THSD4: variants seen among roughly 807,000 people sequenced by gnomAD.
THSD4 encodes thrombospondin type 1 domain containing 4.
A neutral mutation model predicts 119.0 loss-of-function variants in THSD4; 69 were observed. The ratio of observed to expected loss-of-function variants is 0.58; its 90% confidence interval spans 0.48 to 0.71. The LOEUF is 0.71. Ranked by LOEUF, THSD4 falls within the 30% of genes least tolerant of loss-of-function variation. The probability of loss-of-function intolerance (pLI) is 0.00; values close to 1 mark genes in which losing one functional copy is unlikely to be tolerated. For synonymous variants in THSD4, 524 were observed against 540.4 expected (o/e 0.97, Z 0.42); for missense variants, 1,393 against 1,391.1 (o/e 1.00, Z -0.02).
intron 2 of THSD4, among the ~76,000 whole-genome samples, chr15:71,146,398 C>T (rs1031138124): frequency 1.3e-5 from 2 of 151,444 alleles, no homozygotes; most frequent in African/African-American, 2.4e-5. Context: ...TTATTTTTGC[C>T]CCTAATCATT....
Position 71,404,942 on chromosome 15 carries a change from G to A in THSD4, c.1016-6745G>A, listed in dbSNP as rs912130543. On this transcript the variant is annotated intron_variant, in intron 6 of 17. Coordinates refer to ENST00000261862, the MANE Select transcript of THSD4 (RefSeq NM_024817.3). ...CTCTCTCTGTCACCCAGGCTGGAGTGCAGTGGCATGATCTCAGCTCACTAC... is the reference window on the plus strand; with the variant it reads ...CTCTCTCTGTCACCCAGGCTGGAGTACAGTGGCATGATCTCAGCTCACTAC... Among the ~76,000 whole-genome samples the A allele has an allele frequency of 2.7e-5, 4 of 150,834 alleles. No homozygotes were observed. The Admixed American group carries it at 2.7e-4, about 10-fold the overall frequency.
chr15:71,241,450 C>G (rs2044151996), intron 4 of THSD4, among the ~76,000 whole-genome samples: 1 of 152,110 alleles, frequency 6.6e-6, no homozygotes, highest in African/African-American at 2.4e-5. Flanking sequence ...AGGCCCTTAC[C>G]CCGCCCTGCA....
intron 6 of THSD4, among the ~76,000 whole-genome samples, chr15:71,348,813 A>G (rs550401011): frequency 6.6e-6 from 1 of 152,350 alleles, no homozygotes; most frequent in Non-Finnish European, 1.5e-5. Context: ...TCCAACAAGG[A>G]GTTACATAAA....
intron 7 of THSD4, among the ~76,000 whole-genome samples, chr15:71,528,477 AC>A (rs1242671824): frequency 6.6e-6 from 1 of 152,216 alleles, no homozygotes; most frequent in Non-Finnish European, 1.5e-5. Flanking sequence ...ACTCATTACT[AC>A]TGCAACCTTT....
chr15:71,547,693 G>A lies in THSD4; in HGVS notation c.1153-112837G>A, dbSNP rs2048858751. On this transcript the variant is annotated intron_variant, in intron 7 of 17. Transcript: ENST00000261862. ...ATACTTTCTAAAATGTCATTTTGAA[G>A]CTGTCTGTGCAGTTGCCACACTGGG... is the stretch of plus-strand genomic sequence containing the variant. 9.0e-6 allele frequency: 5 copies of A among 556,604 alleles called. No homozygotes were observed. In the East Asian group the frequency reaches 1.6e-4, roughly 17 times the overall value. The allele number at this position is 556,604 out of a possible 1,614,324, so 34.5% of individuals were successfully genotyped here.
At chr15:71,103,781 A>G (rs1391151989) in intron 1 of THSD4, among the ~76,000 whole-genome samples, 1 of 151,744 alleles carries the variant, frequency 6.6e-6, no homozygotes, top group Non-Finnish European at 1.5e-5. Flanking sequence ...GAAGGAAAAA[A>G]AAAAACACCA....
chr15:71,464,660 A>T (rs775282208), intron 7 of THSD4, among the ~76,000 whole-genome samples: 1 of 152,176 alleles, frequency 6.6e-6, no homozygotes, highest in African/African-American at 2.4e-5. Context: ...CTCACTCATC[A>T]TCTCACCTAG....
chr15:71,309,701 G>A (rs953186371), intron 6 of THSD4, among the ~76,000 whole-genome samples: 3 of 152,126 alleles, frequency 2.0e-5, no homozygotes, highest in Non-Finnish European at 2.9e-5. Flanking sequence ...TTTTGCATGT[G>A]GATATCCAGT....
intron 3 of THSD4, among the ~76,000 whole-genome samples, chr15:71,167,733 A>G (rs2043307652): frequency 6.6e-6 from 1 of 152,218 alleles, no homozygotes; most frequent in Admixed American, 6.5e-5. Flanking sequence ...TTCTTAAGGG[A>G]CAACATTATT....
At chr15:71,218,287 C>T (rs1440434680) in intron 4 of THSD4, among the ~76,000 whole-genome samples, 2 of 152,160 alleles carry the variant, frequency 1.3e-5, no homozygotes, top group African/African-American at 2.4e-5. Context: ...GCTGCTCACC[C>T]CCAGATCCCT....
chr15:71,377,905 CACACACA>C (rs753881677), intron 6 of THSD4, among the ~76,000 whole-genome samples: 3,536 of 90,150 alleles, frequency 0.039, 116 homozygotes, highest in African/African-American at 0.1. Flanking sequence ...CACACACACA[CACACACA>C]CAATTTCCTT....
chr15:71,513,175 T>C (rs2048307921), intron 7 of THSD4, among the ~76,000 whole-genome samples: 1 of 152,194 alleles, frequency 6.6e-6, no homozygotes, highest in Non-Finnish European at 1.5e-5. Flanking sequence ...GCCGAGAGCT[T>C]CCTGTCATCT....
At chr15:71,390,045 C>G (rs548617548) in intron 6 of THSD4, among the ~76,000 whole-genome samples, 1 of 151,934 alleles carries the variant, frequency 6.6e-6, no homozygotes, top group Admixed American at 6.6e-5. Context: ...CTTTGTGATC[C>G]GCCCACCTCA....
intron 4 of THSD4, among the ~76,000 whole-genome samples, chr15:71,241,491 TG>T (rs910466346): frequency 6.6e-6 from 1 of 152,208 alleles, no homozygotes; most frequent in Non-Finnish European, 1.5e-5. Context: ...GTTGTAAGGT[TG>T]GGGTCTTGAA....
chr15:71,393,072 A>G (rs1055197710), intron 6 of THSD4, among the ~76,000 whole-genome samples: 2 of 152,170 alleles, frequency 1.3e-5, no homozygotes, highest in Non-Finnish European at 2.9e-5. Flanking sequence ...CTTGCATTTG[A>G]TTGTGATTGG....
At position 71,256,673 on chromosome 15, in the gene THSD4, C is replaced by T. The variant is rs753275547; in HGVS notation, c.973C>T (p.Pro325Ser). 3.4e-5 allele frequency: 55 copies of T among 1,613,774 alleles called. No homozygotes were observed. The highest frequency in any genetic ancestry group is 4.2e-5 in the Non-Finnish European group (49 of 1,179,954). Residue 325 changes from proline (P) to serine (S), a missense_variant, in exon 6 of 18, where the codon CCA (proline) becomes TCA (serine). Coordinates refer to ENST00000261862, the MANE Select transcript of THSD4 (RefSeq NM_024817.3). ...EVQCASYNNK[P>S]FMGRFYEWEP... ...ACAGTGTGCATCCTACAACAACAAG[C>T]CATTCATGGGCCGGTTTTATGAGTG... is the stretch of plus-strand genomic sequence containing the variant.
chr15:71,300,615 C>T (rs554603838), intron 6 of THSD4, among the ~76,000 whole-genome samples: 158 of 152,130 alleles, frequency 1.0e-3, no homozygotes, highest in Non-Finnish European at 1.9e-3. Flanking sequence ...TTATCAATCC[C>T]CCTCAAAATT....
chr15:71,388,296 T>A (rs1172739227), intron 6 of THSD4, among the ~76,000 whole-genome samples: 1 of 152,186 alleles, frequency 6.6e-6, no homozygotes, highest in Non-Finnish European at 1.5e-5. Flanking sequence ...CTATATGGAG[T>A]ACCCACTAGG....
At chr15:71,732,851 C>T (rs1176439023) in intron 10 of THSD4, 36 of 152,180 alleles carry the variant, frequency 2.4e-4, no homozygotes, top group Admixed American at 2.4e-3. Flanking sequence ...GCCAAACCCG[C>T]CCCATCCATT....
Sources: gnomAD v4.1 joint callset for allele counts (sites outside exome capture counted in the v4.1 genomes callset) on GRCh38, gnomAD v4.1.1 for gene constraint, MANE v1.5 for transcripts, NCBI Gene and HGNC (gene_info 2026-07-23, HGNC 2026-07-21) for gene names.